AOAH: variants seen among roughly 807,000 people sequenced by gnomAD.
The protein encoded by AOAH is acyloxyacyl hydrolase (neutrophil).
AOAH carries 64 observed loss-of-function variants against 92.2 expected under a neutral mutation model. That is an observed-to-expected ratio of 0.69 (90% CI 0.57 to 0.86). The LOEUF (loss-of-function observed/expected upper bound fraction) is 0.86, where lower values mean the gene tolerates loss of function less well. Among genes scored for constraint, AOAH ranks in the 40% least tolerant of loss-of-function variants. The pLI, the probability that AOAH is intolerant of heterozygous loss-of-function variation, is 0.00. For missense variants in AOAH, 656 were observed against 694.6 expected (o/e 0.94, Z 0.62); for synonymous variants, 263 against 254.5 (o/e 1.03, Z -0.32).
intron 13 of AOAH, among the ~76,000 whole-genome samples, chr7:36,551,432 T>C (rs1212359092): frequency 6.6e-6 from 1 of 152,150 alleles, no homozygotes; most frequent in Non-Finnish European, 1.5e-5. Context: ...TCATTTACAT[T>C]GTTGTGCAAC....
rs746380579 is a variant in AOAH, at chr7:36,517,220, C to CT, written c.1600-3841dup. Among the ~76,000 whole-genome samples, 102 of 54,250 alleles carry CT rather than the reference C, an allele frequency of 1.9e-3. 4 individuals are homozygous for CT. Among genetic ancestry groups the CT allele is most frequent in the Middle Eastern group, 9.8e-3 (1 of 102 alleles). 35.6% of individuals were successfully genotyped at this position (54,250 alleles called of 152,430 possible). ...TTTCTTTCTTTCTTTCTTTCTCTTT[C>CT]TTTCTGTCTCTCTCTCTCTCTCTCT... is the stretch of plus-strand genomic sequence containing the variant. On this transcript the variant is annotated intron_variant, in intron 20 of 20. Transcript: ENST00000617537.
chr7:36,637,796 A>C lies in AOAH; in HGVS notation c.450+55T>G, dbSNP rs188110229. ...CCTTTGGGATGTGAAAGCCGGGGCC[A>C]GTGAGAGAGGACATGCCAAGGAAAA... On this transcript the variant is annotated intron_variant, in intron 5 of 20. Transcript: ENST00000617537. 265 of 1,528,686 alleles carry C rather than the reference A, an allele frequency of 1.7e-4. 2 individuals carry two copies. In the African/African-American group the frequency reaches 3.3e-3, roughly 19 times the overall value. The allele number at this position is 1,528,686 out of a possible 1,614,324, so 94.7% of individuals were successfully genotyped here. A position where few individuals can be genotyped will look rare whatever the true frequency, so the allele number is the denominator to read the frequency against.
intron 1 of AOAH, among the ~76,000 whole-genome samples, chr7:36,706,153 G>C (rs1187869950): frequency 6.6e-6 from 1 of 152,094 alleles, no homozygotes; most frequent in Middle Eastern, 3.2e-3. Flanking sequence ...TGACACTTGG[G>C]AGCTAATTAA....
At chr7:36,591,541 C>T (rs182879556) in intron 12 of AOAH, among the ~76,000 whole-genome samples, 1 of 152,318 alleles carries the variant, frequency 6.6e-6, no homozygotes, top group African/African-American at 2.4e-5. Flanking sequence ...TGTCTGAAGG[C>T]TCTCAACTTT....
intron 3 of AOAH, among the ~76,000 whole-genome samples, chr7:36,671,394 C>T (rs1562680316): frequency 6.6e-6 from 1 of 152,092 alleles, no homozygotes; most frequent in East Asian, 1.9e-4. Flanking sequence ...TTGCTAAGTA[C>T]CTGCAGATAG....
At chr7:36,522,172 T>A (rs1784139487) in intron 19 of AOAH, 57 bp from the exon 20 acceptor site, 13 of 1,557,890 alleles carry the variant, frequency 8.3e-6, no homozygotes, top group South Asian at 7.8e-5. Context: ...ACGGCCAATA[T>A]CCAAGGACAA....
At chr7:36,690,241 C>T in intron 1 of AOAH, 2 of 450,432 alleles carry the variant, frequency 4.4e-6, no homozygotes, top group South Asian at 1.6e-5. Context: ...TGTCTCTGAA[C>T]ACTGGGTGAG....
intron 15 of AOAH, among the ~76,000 whole-genome samples, chr7:36,547,436 G>T (rs1785883897): frequency 6.6e-6 from 1 of 152,182 alleles, no homozygotes; most frequent in Admixed American, 6.5e-5. Flanking sequence ...ATTGAGTTTT[G>T]TTTTCAGCAC....
chr7:36,515,294 A>T (rs1261461949), intron 20 of AOAH, among the ~76,000 whole-genome samples: 3 of 116,902 alleles, frequency 2.6e-5, no homozygotes, highest in Non-Finnish European at 3.5e-5. Flanking sequence ...CACACACACC[A>T]CACACACACT....
chr7:36,544,816 G>A (rs1307200312), intron 15 of AOAH, among the ~76,000 whole-genome samples: 2 of 152,162 alleles, frequency 1.3e-5, no homozygotes, highest in Non-Finnish European at 1.5e-5. Flanking sequence ...CACCTGGCTG[G>A]TGCTAGAGAG....
Position 36,717,734 on chromosome 7 carries a change from T to A in AOAH, c.127+6288A>T, listed in dbSNP as rs560958481. On this transcript the variant is annotated intron_variant, in intron 1 of 20. Coordinates refer to ENST00000617537, the MANE Select transcript of AOAH (RefSeq NM_001637.4). ...TCCTCTTTTTCTCTTCTTATTTTTT[T>A]TTTTTTTTGCTTAGCCTAGTTTAAG... 2.2e-3 allele frequency among the ~76,000 whole-genome samples: 327 copies of A among 150,402 alleles called. 4 individuals are homozygous for A. The highest frequency in any genetic ancestry group is 7.7e-3 in the African/African-American group (317 of 41,156).
chr7:36,563,273 C>T (rs141631157), intron 13 of AOAH, among the ~76,000 whole-genome samples: 102 of 151,402 alleles, frequency 6.7e-4, no homozygotes, highest in African/African-American at 2.4e-3. Flanking sequence ...ATTCTAGGCA[C>T]CTGTATGTCC....
intron 7 of AOAH, among the ~76,000 whole-genome samples, 174 bp from the exon 8 acceptor site, chr7:36,621,954 C>T (rs770394698): frequency 2.0e-5 from 3 of 152,084 alleles, no homozygotes; most frequent in East Asian, 1.9e-4. Context: ...AGACATGCTG[C>T]GTGAGTGACA....
At chr7:36,688,798 TACAC>T (rs370599461) in intron 1 of AOAH, among the ~76,000 whole-genome samples, 1 of 151,312 alleles carries the variant, frequency 6.6e-6, no homozygotes, top group African/African-American at 2.4e-5. Flanking sequence ...TATATATATA[TACAC>T]ACACACACAC....
chr7:36,646,193 A>G (rs1396708659), intron 4 of AOAH, among the ~76,000 whole-genome samples: 1 of 152,212 alleles, frequency 6.6e-6, no homozygotes, highest in African/African-American at 2.4e-5. Flanking sequence ...ATTTTGTACT[A>G]ACTTTGCAAA....
At chr7:36,707,732 T>G (rs1416000412) in intron 1 of AOAH, among the ~76,000 whole-genome samples, 1 of 152,168 alleles carries the variant, frequency 6.6e-6, no homozygotes, top group Admixed American at 6.6e-5. Flanking sequence ...TTATGTTGTA[T>G]TTGGTTTTCA....
intron 12 of AOAH, among the ~76,000 whole-genome samples, chr7:36,580,559 T>C (rs1357347795): frequency 6.6e-6 from 1 of 152,234 alleles, no homozygotes; most frequent in Non-Finnish European, 1.5e-5. Context: ...CCTTAGTACA[T>C]AGTCTGTGTT....
At chr7:36,720,242 T>C (rs992816147) in intron 1 of AOAH, among the ~76,000 whole-genome samples, 1 of 152,032 alleles carries the variant, frequency 6.6e-6, no homozygotes, top group Non-Finnish European at 1.5e-5. Context: ...CTCTGCCTCC[T>C]GGGTTCAAGC....
intron 3 of AOAH, among the ~76,000 whole-genome samples, chr7:36,663,571 T>C (rs1340831019): frequency 1.3e-5 from 2 of 152,226 alleles, no homozygotes; most frequent in Admixed American, 6.5e-5. Context: ...ATACTGCATG[T>C]AGCCTTTTCA....
Sources: allele counts gnomAD v4.1 joint callset (sites outside exome capture counted in the v4.1 genomes callset), GRCh38; gene constraint gnomAD v4.1.1; transcripts MANE v1.5; gene names NCBI Gene and HGNC (gene_info 2026-07-23, HGNC 2026-07-21).